Variants in PDZD2 observed in about 807,000 individuals in gnomAD.
PDZD2 encodes the protein PDZ domain-containing protein 2.
PDZD2 carries 90 observed loss-of-function variants against 220.7 expected under a neutral mutation model. The ratio of observed to expected loss-of-function variants is 0.41; its 90% CI spans 0.34 to 0.49. The LOEUF (loss-of-function observed/expected upper bound fraction) is 0.49. Ranked by LOEUF, PDZD2 falls within the 20% of genes least tolerant of loss-of-function variation. The pLI is 0.28. For synonymous variants in PDZD2, 1,375 were observed against 1,450.5 expected, an observed-to-expected ratio of 0.95 and a Z score of 1.18; for missense variants, 3,174 against 3,608.5, an observed-to-expected ratio of 0.88 and a Z score of 3.08.
At chr5:31,959,371 G>GT (rs551457320) in intron 2 of PDZD2, among the ~76,000 whole-genome samples, 4 of 149,474 alleles carry the variant, frequency 2.7e-5, no homozygotes, top group African/African-American at 1.0e-4. Context: ...AAGTTTGTTT[G>GT]TTTTTGAGAC....
chr5:32,058,724 A>G (rs933350766), intron 12 of PDZD2, among the ~76,000 whole-genome samples: 7 of 151,514 alleles, frequency 4.6e-5, no homozygotes, highest in Non-Finnish European at 8.8e-5. Context: ...TGGGGCTAAT[A>G]TAAAATTTTA....
intron 1 of PDZD2, among the ~76,000 whole-genome samples, chr5:31,640,762 G>T (rs752929843): frequency 2.0e-4 from 30 of 152,076 alleles, no homozygotes; most frequent in Non-Finnish European, 4.3e-4. Context: ...CTGGCTGTAG[G>T]TGGTGGTTCT....
At chr5:31,830,764 C>G (rs914319134) in intron 2 of PDZD2, among the ~76,000 whole-genome samples, 1 of 152,186 alleles carries the variant, frequency 6.6e-6, no homozygotes, top group Non-Finnish European at 1.5e-5. Flanking sequence ...CATGAGACTT[C>G]TGCACAGTGT....
chr5:31,818,095 G>A lies in PDZD2; in HGVS notation c.476+18371G>A, dbSNP rs1000439971. Reference sequence around the variant, plus strand: ...GGTGATCCTCCCACCTCAGCCTCACGAGTAGCTGGGACTACAGGTGCGTGT... The same window carrying A: ...GGTGATCCTCCCACCTCAGCCTCACAAGTAGCTGGGACTACAGGTGCGTGT... On this transcript the variant is annotated intron_variant, in intron 2 of 24. Coordinates refer to ENST00000438447, the MANE Select transcript of PDZD2 (RefSeq NM_178140.4). Among the ~76,000 whole-genome samples, 2 of 150,176 alleles carry A rather than the reference G, an allele frequency of 1.3e-5. 1 individual carries two copies. The highest frequency in any genetic ancestry group is 4.2e-4 in the South Asian group (2 of 4,720).
chr5:32,108,427 C>CTTCT lies in PDZD2; in HGVS notation c.*295_*298dup, dbSNP rs144447209. The CTTCT allele has an allele frequency of 0.018, 3,757 of 208,870 alleles. 135 individuals are homozygous for CTTCT. The highest frequency in any genetic ancestry group is 0.079 in the African/African-American group (3,434 of 43,540). 12.9% of individuals were successfully genotyped at this position (208,870 alleles called of 1,614,324 possible). A position where few individuals can be genotyped will look rare whatever the true frequency, so the allele number is the denominator to read the frequency against. ...ATGGGGATACAAGATGTGACACACCCTTCTTTATTTGAAACAAACAAACAT... is the reference window on the plus strand; with the variant it reads ...ATGGGGATACAAGATGTGACACACCCTTCTTTCTTTATTTGAAACAAACAAACAT... On this transcript the variant is annotated 3_prime_UTR_variant, in exon 25 of 25. Coordinates refer to ENST00000438447, the MANE Select transcript of PDZD2 (RefSeq NM_178140.4).
chr5:31,831,126 A>T (rs1756556720), intron 2 of PDZD2, among the ~76,000 whole-genome samples: 1 of 152,236 alleles, frequency 6.6e-6, no homozygotes, highest in African/African-American at 2.4e-5. Flanking sequence ...AGTGATATGG[A>T]CATTTGAAAG....
At chr5:31,863,104 G>C (rs986630959) in intron 2 of PDZD2, among the ~76,000 whole-genome samples, 1 of 152,034 alleles carries the variant, frequency 6.6e-6, no homozygotes, top group African/African-American at 2.4e-5. Context: ...GGCTGGTCTC[G>C]AACTCCTGAC....
At chr5:31,934,423 C>G (rs887328180) in intron 2 of PDZD2, among the ~76,000 whole-genome samples, 2 of 152,118 alleles carry the variant, frequency 1.3e-5, no homozygotes, top group African/African-American at 4.8e-5. Context: ...AGTTCTTTCT[C>G]TGCCGCACCA....
chr5:32,072,206 G>A lies in PDZD2; in HGVS notation c.2614G>A (p.Asp872Asn), dbSNP rs575891004. The A allele has an allele frequency of 4.0e-5, 65 of 1,613,298 alleles. No homozygotes were observed. In the South Asian group the frequency reaches 4.3e-4, roughly 11 times the overall value. Residue 872 changes from aspartate to asparagine, a missense_variant, in exon 17 of 25, where the codon GAT (aspartate) becomes AAT (asparagine). By Grantham distance (23) the Asp-to-Asn change is conservative. Transcript: ENST00000438447. ...ESELSQYFAH[D>N]VPGPLSDFMV... ...TGAACTCTCCCAGTACTTTGCCCAC[G>A]ATGTCCCTGGCCCCTTGTCAGACTT...
At chr5:31,789,653 G>A (rs1331316840) in intron 1 of PDZD2, among the ~76,000 whole-genome samples, 1 of 152,268 alleles carries the variant, frequency 6.6e-6, no homozygotes, top group Non-Finnish European at 1.5e-5. Context: ...TCCGGGCTGG[G>A]CGTGGTGGCT....
At chr5:31,942,545 C>G (rs1746295453) in intron 2 of PDZD2, among the ~76,000 whole-genome samples, 1 of 152,180 alleles carries the variant, frequency 6.6e-6, no homozygotes, top group Admixed American at 6.5e-5. Context: ...TCCTAACTTG[C>G]TGTAACCTTG....
intron 2 of PDZD2, among the ~76,000 whole-genome samples, 159 bp downstream of exon 2, chr5:31,799,883 A>T (rs1426710485): frequency 6.6e-6 from 1 of 152,160 alleles, no homozygotes; most frequent in Non-Finnish European, 1.5e-5. Flanking sequence ...GCAGCATCAC[A>T]TCTTCAACTG....
intron 2 of PDZD2, among the ~76,000 whole-genome samples, chr5:31,881,053 G>A (rs1358326406): frequency 1.3e-5 from 2 of 151,636 alleles, no homozygotes; most frequent in African/African-American, 4.8e-5. Flanking sequence ...GCCCGCCTAG[G>A]CCTCCCAAAA....
intron 6 of PDZD2, among the ~76,000 whole-genome samples, chr5:32,024,682 CA>C (rs1247455994): frequency 1.2e-3 from 41 of 33,524 alleles, no homozygotes; most frequent in South Asian, 6.1e-3. Context: ...GACTTCATCT[CA>C]AAAAAAAAAA....
chr5:31,970,160 G>A (rs1231688256), intron 2 of PDZD2, among the ~76,000 whole-genome samples: 1 of 152,204 alleles, frequency 6.6e-6, no homozygotes, highest in Non-Finnish European at 1.5e-5. Context: ...CTCCCAAAGT[G>A]CTGGGATTAC....
intron 2 of PDZD2, among the ~76,000 whole-genome samples, chr5:31,922,550 G>A (rs568331940): frequency 1.8e-4 from 28 of 152,288 alleles, no homozygotes; most frequent in African/African-American, 5.8e-4. Flanking sequence ...GGAACTGAAC[G>A]TTGCTACTGT....
Position 32,088,055 on chromosome 5 carries a change from C to T in PDZD2, c.4607C>T (p.Ser1536Phe). The T allele has an allele frequency of 6.2e-7, 1 of 1,614,068 alleles. No homozygotes were observed. Among genetic ancestry groups the T allele is most frequent in the South Asian group, 1.1e-5 (1 of 91,084 alleles). ...AGCAGTTTTCATGAAGACAGCACCT[C>T]CCTATCAGGCCTGGGTGACAGCACG... ...NFSSFHEDST[S>F]LSGLGDSTEP... The change falls in exon 20 of 25, where the codon TCC becomes TTC. Residue 1536 changes from serine to phenylalanine, a missense_variant. By Grantham distance (155) the Ser-to-Phe change is radical. This residue lies in a region of PDZD2 where 1,861 missense variants were observed against 2,001.0 expected (regional missense o/e 0.93). Transcript: ENST00000438447. The surrounding 1 kb of genome is among the most constrained non-coding windows in gnomAD (Gnocchi z 4.6).
intron 2 of PDZD2, among the ~76,000 whole-genome samples, chr5:31,868,173 C>T (rs755181045): frequency 2.6e-5 from 4 of 152,236 alleles, no homozygotes; most frequent in East Asian, 1.9e-4. Context: ...TGGCCGGGCG[C>T]GGTGGCTCAT....
chr5:31,735,939 T>C (rs1374774276), intron 1 of PDZD2, among the ~76,000 whole-genome samples: 2 of 152,132 alleles, frequency 1.3e-5, no homozygotes, highest in African/African-American at 4.8e-5. Flanking sequence ...AGTGAGAATC[T>C]GTCTTAAAAA....
Sources: gnomAD v4.1 joint callset for allele counts (sites outside exome capture counted in the v4.1 genomes callset) on GRCh38, gnomAD v4.1.1 for gene constraint, gnomAD v4.1.1 regional missense constraint, Gnocchi (gnomAD v3.1) non-coding constraint, MANE v1.5 for transcripts, NCBI Gene and HGNC (gene_info 2026-07-23, HGNC 2026-07-21) for gene names.